The following SLC26A5 variants were observed in gnomAD, a reference collection of about 807,000 sequenced individuals.
SLC26A5 encodes prestin.
A neutral mutation model predicts 81.0 loss-of-function variants in SLC26A5; 51 were observed. That is an observed-to-expected ratio of 0.63 (90% CI 0.50 to 0.80). The LOEUF (loss-of-function observed/expected upper bound fraction) is 0.80, where lower values mean the gene tolerates loss of function less well. Ranked by LOEUF, SLC26A5 falls within the 30% of genes least tolerant of loss-of-function variation. The pLI, the probability that SLC26A5 is intolerant of heterozygous loss-of-function variation, is 0.00. For missense variants in SLC26A5, 771 were observed against 905.8 expected, an observed-to-expected ratio of 0.85 and a Z score of 1.91; for synonymous variants, 325 against 332.8, an observed-to-expected ratio of 0.98 and a Z score of 0.25.
chr7:103,362,762 A>C (rs771993269), intron 19 of SLC26A5: 1 of 1,576,990 alleles, frequency 6.3e-7, no homozygotes, highest in Non-Finnish European at 8.7e-7. Context: ...GATGCAGGTA[A>C]GAAACTATGG....
intron 8 of SLC26A5, among the ~76,000 whole-genome samples, chr7:103,405,354 C>T (rs1823958765): frequency 1.3e-5 from 2 of 152,114 alleles, no homozygotes; most frequent in Non-Finnish European, 2.9e-5. Context: ...TGGTGACCTT[C>T]GGATGGGGTT....
At chr7:103,436,853 T>TGG (rs1826488737) in intron 2 of SLC26A5, among the ~76,000 whole-genome samples, 2 of 151,842 alleles carry the variant, frequency 1.3e-5, no homozygotes, top group Non-Finnish European at 2.9e-5. Context: ...TAAAAGAAAA[T>TGG]GGGGGAAAGC....
intron 14 of SLC26A5, among the ~76,000 whole-genome samples, chr7:103,384,066 GGTGGCA>G (rs1359007392): frequency 1.3e-5 from 2 of 152,106 alleles, no homozygotes; most frequent in East Asian, 3.9e-4. Flanking sequence ...AGGAATTCAA[GGTGGCA>G]GTGAGCTGTG....
chr7:103,401,352 C>G (rs930495213), intron 8 of SLC26A5, among the ~76,000 whole-genome samples: 22 of 152,262 alleles, frequency 1.4e-4, no homozygotes, highest in Non-Finnish European at 1.9e-4. Flanking sequence ...GGAGTTTGCT[C>G]ATGATTTGGC....
At chr7:103,439,861 G>A (rs1448245609) in intron 2 of SLC26A5, among the ~76,000 whole-genome samples, 1 of 152,158 alleles carries the variant, frequency 6.6e-6, no homozygotes, top group Non-Finnish European at 1.5e-5. Flanking sequence ...AACATGCCAA[G>A]CACTTGTCTG....
At chr7:103,397,821 G>A (rs998082965) in intron 9 of SLC26A5, 111 bp downstream of exon 9, 3 of 813,062 alleles carry the variant, frequency 3.7e-6, no homozygotes, top group African/African-American at 1.7e-5. Context: ...TCAGCTATTT[G>A]ATGTATAGAA....
intron 19 of SLC26A5, chr7:103,354,721 A>T: frequency 1.7e-6 from 1 of 595,268 alleles, no homozygotes; most frequent in Non-Finnish European, 3.0e-6. Context: ...TTTAGGGGGA[A>T]ATATTGGGTC....
Position 103,367,220 on chromosome 7 carries a change from C to G in SLC26A5, c.2041+9588G>C. ...ACGTTAAGTAAATCTGTGATGAATACTTTTGAAAGCAAAGATTCACTTTCT... is the reference window on the plus strand; with the variant it reads ...ACGTTAAGTAAATCTGTGATGAATAGTTTTGAAAGCAAAGATTCACTTTCT... On this transcript the variant is annotated intron_variant, in intron 19 of 19. Coordinates refer to the SLC26A5 transcript ENST00000339444. This position sits in a 1 kb window ranked among gnomAD's most constrained non-coding sequence, Gnocchi z 6.1. Among the ~76,000 whole-genome samples the G allele has an allele frequency of 6.6e-6, 1 of 151,026 alleles. No homozygotes were observed. Among genetic ancestry groups the G allele is most frequent in the South Asian group, 2.1e-4 (1 of 4,826 alleles).
chr7:103,403,527 G>T (rs1440249481), intron 8 of SLC26A5, among the ~76,000 whole-genome samples: 1 of 152,108 alleles, frequency 6.6e-6, no homozygotes, highest in Non-Finnish European at 1.5e-5. Flanking sequence ...AGGTCTCTAA[G>T]GACTTGGTTT....
intron 7 of SLC26A5, among the ~76,000 whole-genome samples, chr7:103,408,538 C>G (rs919990014): frequency 1.3e-5 from 2 of 152,108 alleles, no homozygotes; most frequent in Non-Finnish European, 2.9e-5. Context: ...TATAGTTATT[C>G]TTATCAAACA....
At chr7:103,445,291 C>G (rs1385228709) in intron 1 of SLC26A5, 1 of 152,244 alleles carries the variant, frequency 6.6e-6, no homozygotes, top group African/African-American at 2.4e-5. Flanking sequence ...GTCCAGCACG[C>G]CTTCCCGGCG....
intron 19 of SLC26A5, among the ~76,000 whole-genome samples, chr7:103,361,437 G>C (rs1820398726): frequency 6.9e-6 from 1 of 144,102 alleles, no homozygotes; most frequent in Admixed American, 7.3e-5. Flanking sequence ...ATGAACCCAA[G>C]AGGTGGAGGT....
intron 8 of SLC26A5, 146 bp downstream of exon 8, chr7:103,407,705 A>G: frequency 1.1e-6 from 1 of 872,202 alleles, no homozygotes; most frequent in Non-Finnish European, 1.8e-6. Flanking sequence ...TTTCTTGTCA[A>G]TGAATTTGTC....
intron 14 of SLC26A5, among the ~76,000 whole-genome samples, chr7:103,383,436 C>T (rs13362860): frequency 0.016 from 2,469 of 152,268 alleles, 62 homozygotes; most frequent in African/African-American, 0.057. Flanking sequence ...GCCTTCCTGA[C>T]GACCTGCAGT....
chr7:103,430,590 C>T (rs926808634), intron 2 of SLC26A5, among the ~76,000 whole-genome samples: 12 of 117,122 alleles, frequency 1.0e-4, no homozygotes, highest in South Asian at 2.6e-4. Flanking sequence ...CCTGCTGTTC[C>T]AGAGAGGATG....
intron 8 of SLC26A5, among the ~76,000 whole-genome samples, chr7:103,402,939 C>T (rs1823728760): frequency 6.6e-6 from 1 of 152,038 alleles, no homozygotes; most frequent in Non-Finnish European, 1.5e-5. Flanking sequence ...TTTGCTCTTC[C>T]TTCTCAAGTT....
chr7:103,403,839 T>G (rs1482042171), intron 8 of SLC26A5, among the ~76,000 whole-genome samples: 1 of 152,156 alleles, frequency 6.6e-6, no homozygotes, highest in Non-Finnish European at 1.5e-5. Flanking sequence ...AATTTGCCAA[T>G]CTGTGTCTTT....
Position 103,443,841 on chromosome 7 carries a change from C to T in SLC26A5, c.-182-630G>A, listed in dbSNP as rs910004939. ...CTATCCTCTGACTAATTCGCTGACC[C>T]GTTCTGAAGTGAGCTTTCATAACCT... On this transcript the variant is annotated intron_variant, in intron 1 of 19. Transcript: ENST00000306312. Among the ~76,000 whole-genome samples, 8 of 152,202 alleles carry T rather than the reference C, an allele frequency of 5.3e-5. No homozygotes were observed. The East Asian group carries it at 9.6e-4, about 18-fold the overall frequency.
chr7:103,426,162 CTTATA>C (rs923493853), intron 2 of SLC26A5, among the ~76,000 whole-genome samples: 2 of 152,140 alleles, frequency 1.3e-5, no homozygotes, highest in Non-Finnish European at 2.9e-5. Context: ...TGTTTCTATG[CTTATA>C]TTCTCACAAC....
Sources: allele counts gnomAD v4.1 joint callset (sites outside exome capture counted in the v4.1 genomes callset), GRCh38; gene constraint gnomAD v4.1.1; non-coding constraint Gnocchi (gnomAD v3.1); transcripts MANE v1.5; gene names NCBI Gene and HGNC (gene_info 2026-07-23, HGNC 2026-07-21).